SIK2: variants seen among roughly 807,000 people sequenced by gnomAD.
SIK2 encodes the protein serine/threonine-protein kinase SIK2.
SIK2 carries 29 observed loss-of-function variants against 103.2 expected under a neutral mutation model. The ratio of observed to expected loss-of-function variants is 0.28; its 90% CI spans 0.21 to 0.38. SIK2 has a LOEUF of 0.38. Among genes scored for constraint, SIK2 ranks in the 10% least tolerant of loss-of-function variants. SIK2 has a pLI of 1.00. For missense variants in SIK2, 879 were observed against 1,171.0 expected (o/e 0.75, Z 3.64); for synonymous variants, 412 against 446.1 (o/e 0.92, Z 0.96).
chr11:111,654,648 CTGAGA>C (rs972387310), intron 3 of SIK2, among the ~76,000 whole-genome samples: 2 of 152,142 alleles, frequency 1.3e-5, no homozygotes, highest in African/African-American at 4.8e-5. Flanking sequence ...TTCTACAGTT[CTGAGA>C]TAAGCATCTC....
intron 3 of SIK2, among the ~76,000 whole-genome samples, chr11:111,677,359 G>C (rs908305529): frequency 6.6e-6 from 1 of 152,136 alleles, no homozygotes; most frequent in Non-Finnish European, 1.5e-5. Flanking sequence ...CTGTAAGCCA[G>C]TATTGCCTCA....
intron 3 of SIK2, among the ~76,000 whole-genome samples, chr11:111,639,034 G>T (rs1332478296): frequency 6.6e-6 from 1 of 152,084 alleles, no homozygotes; most frequent in East Asian, 1.9e-4. Flanking sequence ...TTAGTGTTGG[G>T]GTTGCAGTAG....
intron 3 of SIK2, among the ~76,000 whole-genome samples, chr11:111,685,596 C>A (rs962947519): frequency 6.6e-6 from 1 of 152,130 alleles, no homozygotes; most frequent in Non-Finnish European, 1.5e-5. Context: ...GTAATCCCAG[C>A]ACTTTGGGAG....
intron 3 of SIK2, among the ~76,000 whole-genome samples, chr11:111,681,383 G>A (rs1310355654): frequency 6.6e-6 from 1 of 152,144 alleles, no homozygotes; most frequent in Non-Finnish European, 1.5e-5. Context: ...CACTAAATGA[G>A]AAGATTATGA....
At chr11:111,686,895 G>A (rs1942853683) in intron 3 of SIK2, among the ~76,000 whole-genome samples, 2 of 152,150 alleles carry the variant, frequency 1.3e-5, no homozygotes, top group Admixed American at 6.5e-5. Context: ...GAATTCTTTC[G>A]AACAGCACAG....
intron 3 of SIK2, among the ~76,000 whole-genome samples, chr11:111,677,069 G>T (rs1317632841): frequency 6.6e-6 from 1 of 152,198 alleles, no homozygotes; most frequent in Non-Finnish European, 1.5e-5. Flanking sequence ...CTGGAGCGAT[G>T]ATAAAAATAG....
At chr11:111,677,224 A>T (rs1399355437) in intron 3 of SIK2, among the ~76,000 whole-genome samples, 1 of 152,192 alleles carries the variant, frequency 6.6e-6, no homozygotes, top group African/African-American at 2.4e-5. Flanking sequence ...TTATTGCCTA[A>T]AAAAACAGCT....
At chr11:111,610,373 C>T (rs530917114) in intron 1 of SIK2, among the ~76,000 whole-genome samples, 1 of 151,840 alleles carries the variant, frequency 6.6e-6, no homozygotes, top group East Asian at 1.9e-4. Context: ...GCCTGTAATC[C>T]CAGCTACTTG....
intron 3 of SIK2, 40 bp from the exon 4 acceptor site, chr11:111,687,961 T>C (rs1379883941): frequency 6.3e-7 from 1 of 1,599,142 alleles, no homozygotes; most frequent in East Asian, 2.2e-5. Flanking sequence ...GGAGTTATTT[T>C]ATTTTGGTGA....
At position 111,722,816 on chromosome 11, in the gene SIK2, G is replaced by GTTCTC; in HGVS notation, c.2147+60_2147+61insTTCTC. 2.0e-6 allele frequency: 3 copies of GTTCTC among 1,470,658 alleles called. No individual in the cohort carries two copies. The highest frequency in any genetic ancestry group is 2.8e-6 in the Non-Finnish European group (3 of 1,056,440). 91.1% of individuals were successfully genotyped at this position (1,470,658 alleles called of 1,614,324 possible). A position where few individuals can be genotyped will look rare whatever the true frequency, so the allele number is the denominator to read the frequency against. ...CTTTTCTGGAAGCCTTGAGAACACT[G>GTTCTC]AATGTGTTGTCCTTTTCCTCTCACA... On this transcript the variant is annotated intron_variant, in intron 14 of 14. Transcript: ENST00000304987. This position sits in a 1 kb window ranked among gnomAD's most constrained non-coding sequence, Gnocchi z 4.4.
chr11:111,636,779 A>C (rs1942113891), intron 3 of SIK2, among the ~76,000 whole-genome samples: 1 of 152,214 alleles, frequency 6.6e-6, no homozygotes. Context: ...ACTTGGAAAT[A>C]ATTTTCTTTC....
At chr11:111,626,109 G>A (rs988106012) in intron 3 of SIK2, among the ~76,000 whole-genome samples, 15 of 152,154 alleles carry the variant, frequency 9.9e-5, no homozygotes, top group Admixed American at 4.6e-4. Flanking sequence ...TGGAGTTCTG[G>A]AAAGAAGAAT....
chr11:111,706,161 T>C (rs1237386004), intron 8 of SIK2, among the ~76,000 whole-genome samples: 1 of 152,232 alleles, frequency 6.6e-6, no homozygotes, highest in East Asian at 1.9e-4. Flanking sequence ...GACAATTAAA[T>C]TAGTTAATAT....
At chr11:111,644,026 A>G (rs112516065) in intron 3 of SIK2, among the ~76,000 whole-genome samples, 3,645 of 151,622 alleles carry the variant, frequency 0.024, 90 homozygotes, top group African/African-American at 0.062. Flanking sequence ...GGTGGCTAAC[A>G]CCTGTAATCC....
intron 3 of SIK2, among the ~76,000 whole-genome samples, chr11:111,679,783 C>G: frequency 6.6e-6 from 1 of 152,100 alleles, no homozygotes; most frequent in African/African-American, 2.4e-5. Flanking sequence ...TTGGCAAGAA[C>G]CAGCACAAGC....
At chr11:111,721,975 G>C (rs1157675122) in intron 13 of SIK2, 35 bp downstream of exon 13, 1 of 1,475,874 alleles carries the variant, frequency 6.8e-7, no homozygotes, top group African/African-American at 1.4e-5. Context: ...ACCTCACTCT[G>C]CTCATCCAGA....
intron 9 of SIK2, among the ~76,000 whole-genome samples, chr11:111,716,226 G>A (rs17565975): frequency 0.44 from 67,170 of 152,106 alleles, 16,955 homozygotes; most frequent in East Asian, 0.65. Flanking sequence ...GAGGTGTTTC[G>A]TGTCTACTTA....
At position 111,722,838 on chromosome 11, in the gene SIK2, C is replaced by A; in HGVS notation, c.2147+82C>A. ...ACTGAATGTGTTGTCCTTTTCCTCTCACATTCGCCACTACTAGGAAAATAG... is the reference window on the plus strand; with the variant it reads ...ACTGAATGTGTTGTCCTTTTCCTCTAACATTCGCCACTACTAGGAAAATAG... On this transcript the variant is annotated intron_variant, in intron 14 of 14. Transcript: ENST00000304987. The surrounding 1 kb of genome is among the most constrained non-coding windows in gnomAD (Gnocchi z 4.4). The A allele has an allele frequency of 1.6e-6, 2 of 1,267,476 alleles. No individual in the cohort carries two copies. The highest frequency in any genetic ancestry group is 2.3e-5 in the East Asian group (1 of 42,790). 78.5% of individuals were successfully genotyped at this position (1,267,476 alleles called of 1,614,324 possible).
intron 3 of SIK2, among the ~76,000 whole-genome samples, chr11:111,622,497 G>A (rs762407288): frequency 1.3e-5 from 2 of 151,784 alleles, no homozygotes; most frequent in East Asian, 1.9e-4. Context: ...ATCGTGATCC[G>A]CCCGCCTCAG....
Sources: gnomAD v4.1 joint callset for allele counts (sites outside exome capture counted in the v4.1 genomes callset) on GRCh38, gnomAD v4.1.1 for gene constraint, Gnocchi (gnomAD v3.1) non-coding constraint, MANE v1.5 for transcripts, NCBI Gene and HGNC (gene_info 2026-07-23, HGNC 2026-07-21) for gene names.